The following HOXB8 variants were observed in gnomAD, a reference collection of about 807,000 sequenced individuals.
HOXB8 encodes the protein homeobox B8, also known as homeobox protein Hox-B8.
A neutral mutation model predicts 22.2 loss-of-function variants in HOXB8; 17 were observed. That is an observed-to-expected ratio of 0.77 (90% confidence interval 0.53 to 1.15). HOXB8 has a LOEUF of 1.15. HOXB8 is among the 50% of genes most tolerant of loss of function. The pLI is 0.00. For missense variants in HOXB8, 287 were observed against 323.8 expected, an observed-to-expected ratio of 0.89 and a Z score of 0.87; for synonymous variants, 156 against 144.6, an observed-to-expected ratio of 1.08 and a Z score of -0.57.
rs1047416633 is a variant in HOXB8 at position 48,613,630 on chromosome 17, C to T, written c.425-121G>A. 26 of 631,918 alleles carry T rather than the reference C, an allele frequency of 4.1e-5. No homozygotes were observed. The African/African-American group carries it at 5.1e-4, about 12-fold the overall frequency. The allele number at this position is 631,918 out of a possible 1,614,324, so 39.1% of individuals were successfully genotyped here. ...GACCATTATAATAAGGGCAGGGGAC[C>T]TTCTACCCCGTGCGGGGGCGGGGGG... is the stretch of plus-strand genomic sequence containing the variant. On this transcript the variant is annotated intron_variant, in intron 1 of 1. Transcript: ENST00000239144.
chr17:48,613,160 G>A lies in HOXB8; in HGVS notation c.*42C>T. The A allele has an allele frequency of 1.5e-6, 2 of 1,319,306 alleles. No individual in the cohort carries two copies. The highest frequency in any genetic ancestry group is 1.9e-6 in the Non-Finnish European group (2 of 1,031,314). The allele number at this position is 1,319,306 out of a possible 1,614,324, so 81.7% of individuals were successfully genotyped here. ...CGGCGGCGGCGCGGCCGGGACCCGC[G>A]GACGTGCGGGCGGCCGCGGCCCTGG... On this transcript the variant is annotated 3_prime_UTR_variant, in exon 2 of 2. Coordinates refer to ENST00000239144, the MANE Select transcript of HOXB8 (RefSeq NM_024016.4).
In HOXB8 at chr17:48,614,882, A is replaced by C; in HGVS notation, c.-178T>G. On this transcript the variant is annotated 5_prime_UTR_variant, in exon 1 of 2. Coordinates refer to ENST00000239144, the MANE Select transcript of HOXB8 (RefSeq NM_024016.4). This position sits in a 1 kb window ranked among gnomAD's most constrained non-coding sequence, Gnocchi z 4.1. ...GGAGGGAAAAAAAGAAAAGAAAGAA[A>C]AGGCGAAGAAGATCTCGAAGCCGAC... 3.7e-6 allele frequency: 2 copies of C among 546,084 alleles called. No individual in the cohort carries two copies. The highest frequency in any genetic ancestry group is 3.1e-5 in the East Asian group (1 of 31,876). The allele number at this position is 546,084 out of a possible 1,614,324, so 33.8% of individuals were successfully genotyped here. A position where few individuals can be genotyped will look rare whatever the true frequency, so the allele number is the denominator to read the frequency against.
Position 48,613,459 on chromosome 17 carries a change from G to A in HOXB8, c.475C>T (p.Leu159=). 6.2e-7 allele frequency: 1 copy of A among 1,610,496 alleles called. No homozygotes were observed. Among genetic ancestry groups the A allele is most frequent in the Non-Finnish European group, 8.5e-7 (1 of 1,177,674 alleles). The change falls in exon 2 of 2, where the codon CTG becomes TTG. Residue 159 remains leucine (L), a synonymous_variant. Transcript: ENST00000239144. ...GRQTYSRYQT[L]ELEKEFLFNP... is the part of the protein sequence containing the mutation. Reference sequence around the variant, plus strand: ...AATAGGAACTCCTTCTCCAGCTCCAGGGTCTGGTAGCGGCTGTAGGTCTGT... The same window carrying A: ...AATAGGAACTCCTTCTCCAGCTCCAAGGTCTGGTAGCGGCTGTAGGTCTGT...
Position 48,614,948 on chromosome 17 carries a change from G to C in HOXB8, c.-244C>G. On this transcript the variant is annotated 5_prime_UTR_variant, in exon 1 of 2. Coordinates refer to ENST00000239144, the MANE Select transcript of HOXB8 (RefSeq NM_024016.4). The surrounding 1 kb of genome is among the most constrained non-coding windows in gnomAD (Gnocchi z 4.1). ...TCCAGGAATAGAAAAGGACAGAGAA[G>C]CCTCCAAAAGTCTAAGCTTGCATGG... is the stretch of plus-strand genomic sequence containing the variant. 2.5e-6 allele frequency: 1 copy of C among 401,786 alleles called. No individual in the cohort carries two copies. 24.9% of individuals were successfully genotyped at this position (401,786 alleles called of 1,614,324 possible). A position where few individuals can be genotyped will look rare whatever the true frequency, so the allele number is the denominator to read the frequency against.
intron 1 of HOXB8, among the ~76,000 whole-genome samples, chr17:48,613,995 C>T (rs1224204568): frequency 6.6e-6 from 1 of 152,034 alleles, no homozygotes; most frequent in Non-Finnish European, 1.5e-5. Context: ...ACCCTCTCTT[C>T]ACTACCCCCC....
chr17:48,613,194 G>T lies in HOXB8; in HGVS notation c.*8C>A, dbSNP rs908454758. 6.3e-7 allele frequency: 1 copy of T among 1,588,160 alleles called. No homozygotes were observed. Among genetic ancestry groups the T allele is most frequent in the Non-Finnish European group, 8.6e-7 (1 of 1,166,378 alleles). On this transcript the variant is annotated 3_prime_UTR_variant, in exon 2 of 2. Transcript: ENST00000239144. ...GGCGGCCGCGGCCCTGGCAGTCCCA[G>T]CTGAAGCCTACTTCTTGTCGCCCTT...
rs768147416 is a variant in HOXB8 at position 48,613,346 on chromosome 17, G to A, written c.588C>T (p.Asn196=). The A allele has an allele frequency of 1.7e-5, 28 of 1,613,848 alleles. No homozygotes were observed. The highest frequency in any genetic ancestry group is 4.5e-5 in the East Asian group (2 of 44,884). The change falls in exon 2 of 2, where the codon AAC becomes AAT. Residue 196 remains asparagine (N), a synonymous_variant. Transcript: ENST00000239144. ...TCTCTTTTTTCCACTTCATCCTCCGGTTCTGGAACCAGATTTTGACCTGTC... is the reference window on the plus strand; with the variant it reads ...TCTCTTTTTTCCACTTCATCCTCCGATTCTGGAACCAGATTTTGACCTGTC... ...TERQVKIWFQ[N]RRMKWKKENN...
chr17:48,613,654 G>A (rs1597890205), intron 1 of HOXB8, 145 bp from the exon 2 acceptor site: 1 of 633,314 alleles, frequency 1.6e-6, no homozygotes, highest in East Asian at 2.8e-5. Flanking sequence ...GGGGGCGGGG[G>A]GGGCGCAAGA....
intron 1 of HOXB8, among the ~76,000 whole-genome samples, 160 bp from the exon 2 acceptor site, chr17:48,613,669 C>G (rs559373930): frequency 1.3e-5 from 2 of 150,500 alleles, no homozygotes; most frequent in South Asian, 4.2e-4. Flanking sequence ...GCAAGAAGGC[C>G]GCGGTCGGCG....
In HOXB8 at chr17:48,614,139, TAAG is replaced by T. The variant is rs904644241; in HGVS notation, c.424+139_424+141del. On this transcript the variant is annotated intron_variant, in intron 1 of 1. Transcript: ENST00000239144. The surrounding 1 kb of genome is among the most constrained non-coding windows in gnomAD (Gnocchi z 4.1). ...AGAAAAAAGAAAGAAGAAAGAAAGA[TAAG>T]AAAGAAAGGGGAAAAGCGGCAGGCG... 43 of 612,158 alleles carry T rather than the reference TAAG, an allele frequency of 7.0e-5. No homozygotes were observed. In the Middle Eastern group the frequency reaches 1.4e-3, roughly 20 times the overall value. 37.9% of individuals were successfully genotyped at this position (612,158 alleles called of 1,614,324 possible). A position where few individuals can be genotyped will look rare whatever the true frequency, so the allele number is the denominator to read the frequency against.
In HOXB8 at chr17:48,614,731, CGGCGGA is replaced by C; in HGVS notation, c.-33_-28del. 1 of 526,372 alleles carries C rather than the reference CGGCGGA, an allele frequency of 1.9e-6. No homozygotes were observed. Among genetic ancestry groups the C allele is most frequent in the Non-Finnish European group, 2.3e-6 (1 of 443,934 alleles). The allele number at this position is 526,372 out of a possible 1,614,324, so 32.6% of individuals were successfully genotyped here. On this transcript the variant is annotated 5_prime_UTR_variant, in exon 1 of 2. Coordinates refer to ENST00000239144, the MANE Select transcript of HOXB8 (RefSeq NM_024016.4). This position sits in a 1 kb window ranked among gnomAD's most constrained non-coding sequence, Gnocchi z 4.1. ...TTATTGAATTTTGAGGCGGCGGCGG[CGGCGGA>C]GGCTATAGTTGGGGGCTGTTGGGGA...
chr17:48,613,386 A>G lies in HOXB8; in HGVS notation c.548T>C (p.Leu183Pro). 1 of 1,613,986 alleles carries G rather than the reference A, an allele frequency of 6.2e-7. No homozygotes were observed. The highest frequency in any genetic ancestry group is 8.5e-7 in the Non-Finnish European group (1 of 1,179,964). ...TTTGACCTGTCTCTCTGTCAGTCCC[A>G]GGGCGTGCGATACCTCGATTCGCCG... ...RKRRIEVSHA[L>P]GLTERQVKIW... The change falls in exon 2 of 2, where the codon CTG becomes CCG. Residue 183 changes from leucine to proline, a missense_variant. Physicochemically the swap from Leu to Pro is moderately conservative, Grantham distance 98. This residue lies in a region of HOXB8 where 6 missense variants were observed against 29.2 expected (regional missense o/e 0.21). Coordinates refer to ENST00000239144, the MANE Select transcript of HOXB8 (RefSeq NM_024016.4).
chr17:48,614,171 G>T lies in HOXB8; in HGVS notation c.424+110C>A. On this transcript the variant is annotated intron_variant, in intron 1 of 1. Transcript: ENST00000239144. This position sits in a 1 kb window ranked among gnomAD's most constrained non-coding sequence, Gnocchi z 4.1. ...GAAAGGGGAAAAGCGGCAGGCGATC[G>T]GAACGGAGCCGGCAAGTCTTCCAGA... The T allele has an allele frequency of 3.7e-6, 3 of 812,428 alleles. No homozygotes were observed. Among genetic ancestry groups the T allele is most frequent in the Non-Finnish European group, 3.5e-6 (2 of 564,182 alleles). The allele number at this position is 812,428 out of a possible 1,614,324, so 50.3% of individuals were successfully genotyped here.
chr17:48,612,699 A>AGAGAGC lies in HOXB8; in HGVS notation c.*497_*502dup, dbSNP rs919330381. The AGAGAGC allele has an allele frequency of 2.6e-5, 4 of 151,340 alleles. No individual in the cohort carries two copies. The highest frequency in any genetic ancestry group is 6.6e-5 in the Admixed American group (1 of 15,234). 9.4% of individuals were successfully genotyped at this position (151,340 alleles called of 1,614,324 possible). On this transcript the variant is annotated 3_prime_UTR_variant, in exon 2 of 2. Transcript: ENST00000239144. Reference sequence around the variant, plus strand: ...GGAGGGGAAATGAGGACGCAGCGAGAGAGAGCGAGAGCGAGAGCGAGCGAG... The same window carrying AGAGAGC: ...GGAGGGGAAATGAGGACGCAGCGAGAGAGAGCGAGAGCGAGAGCGAGAGCGAGCGAG...
Position 48,613,143 on chromosome 17 carries a change from G to C in HOXB8, c.*59C>G. Reference sequence around the variant, plus strand: ...TCTCGGGCAGGGGCGCGCGGCGGCGGCGCGGCCGGGACCCGCGGACGTGCG... The same window carrying C: ...TCTCGGGCAGGGGCGCGCGGCGGCGCCGCGGCCGGGACCCGCGGACGTGCG... On this transcript the variant is annotated 3_prime_UTR_variant, in exon 2 of 2. Transcript: ENST00000239144. The C allele has an allele frequency of 8.3e-7, 1 of 1,201,502 alleles. No homozygotes were observed. The allele number at this position is 1,201,502 out of a possible 1,614,324, so 74.4% of individuals were successfully genotyped here.
rs763652596 is a variant in HOXB8, at chr17:48,613,501, C to G, written c.433G>C (p.Gly145Arg). ...FPWMRPQAAA[G>R]RRRGRQTYSR... is the part of the protein sequence containing the mutation. ...TAGGTCTGTCGGCCTCGCCTGCGTCCGGCGGCTGCTGGGAATGGGGGAAAG... is the reference window on the plus strand; with the variant it reads ...TAGGTCTGTCGGCCTCGCCTGCGTCGGGCGGCTGCTGGGAATGGGGGAAAG... Residue 145 changes from glycine to arginine, a missense_variant, in exon 2 of 2, where the codon GGA becomes CGA. Gly to Arg is a moderately radical substitution (Grantham distance 125). Around this residue, in one of 3 missense-constraint regions of HOXB8, gnomAD observed 229 missense variants for 239.8 expected, o/e 0.95. Transcript: ENST00000239144. 8.5e-7 allele frequency: 1 copy of G among 1,174,758 alleles called. No individual in the cohort carries two copies. The highest frequency in any genetic ancestry group is 7.2e-5 in the East Asian group (1 of 13,862). The allele number at this position is 1,174,758 out of a possible 1,614,324, so 72.8% of individuals were successfully genotyped here.
Position 48,614,528 on chromosome 17 carries a change from G to T in HOXB8, c.177C>A (p.His59Gln), listed in dbSNP as rs751078920. ...GAGCCGTGGACAGCGACGACGGCCC[G>T]TGGTAGAACTCCTGGATTTGCGACG... is the stretch of plus-strand genomic sequence containing the variant. ...QHPSQIQEFY[H>Q]GPSSLSTAPY... Residue 59 changes from histidine to glutamine, a missense_variant, in exon 1 of 2, where the codon CAC becomes CAA. His to Gln is a conservative substitution (Grantham distance 24). Around this residue, in one of 3 missense-constraint regions of HOXB8, gnomAD observed 229 missense variants for 239.8 expected, o/e 0.95. Transcript: ENST00000239144. This position sits in a 1 kb window ranked among gnomAD's most constrained non-coding sequence, Gnocchi z 4.1. 5.6e-6 allele frequency: 9 copies of T among 1,613,826 alleles called. No individual in the cohort carries two copies. Among genetic ancestry groups the T allele is most frequent in the Non-Finnish European group, 7.6e-6 (9 of 1,179,870 alleles).
chr17:48,613,076 TG>T lies in HOXB8; in HGVS notation c.*125del. 2.3e-6 allele frequency: 1 copy of T among 439,210 alleles called. No homozygotes were observed. 27.2% of individuals were successfully genotyped at this position (439,210 alleles called of 1,614,324 possible). On this transcript the variant is annotated 3_prime_UTR_variant, in exon 2 of 2. Transcript: ENST00000239144. ...ACTGGCGCGGCGGGGGACGCTGCGG[TG>T]GGAGGCCCGGCTCCTGGCCCCGCTA...
At position 48,615,245 on chromosome 17, in the gene HOXB8, G is replaced by A. The variant is rs1009073900; in HGVS notation, c.-541C>T. 4.0e-5 allele frequency among the ~76,000 whole-genome samples: 6 copies of A among 150,194 alleles called. No individual in the cohort carries two copies. The highest frequency in any genetic ancestry group is 3.4e-3 in the Middle Eastern group (1 of 290). On this transcript the variant is annotated 5_prime_UTR_variant, in exon 1 of 2. Transcript: ENST00000239144. ...AGGGTGAGAGCGAGAGAGAGCGAGC[G>A]AGAGAGAGAGCTAGAGCGAGAGAGC...
Sources: allele counts gnomAD v4.1 joint callset (sites outside exome capture counted in the v4.1 genomes callset), GRCh38; gene constraint gnomAD v4.1.1; regional missense constraint gnomAD v4.1.1; non-coding constraint Gnocchi (gnomAD v3.1); transcripts MANE v1.5; gene names NCBI Gene and HGNC (gene_info 2026-07-23, HGNC 2026-07-21).